The following PRKG2 variants were observed in gnomAD, a reference collection of about 807,000 sequenced individuals.
PRKG2 encodes the protein protein kinase cGMP-dependent 2.
A neutral mutation model predicts 97.2 loss-of-function variants in PRKG2; 33 were observed. The ratio of observed to expected loss-of-function variants is 0.34; its 90% CI spans 0.26 to 0.45. PRKG2 has a LOEUF of 0.45. PRKG2 is among the 20% of genes least tolerant of loss of function. The probability of loss-of-function intolerance (pLI) is 1.00; values close to 1 mark genes in which losing one functional copy is unlikely to be tolerated. For synonymous variants in PRKG2, 330 were observed against 321.8 expected (o/e 1.03, Z -0.27); for missense variants, 638 against 900.0 (o/e 0.71, Z 3.73).
intron 14 of PRKG2, among the ~76,000 whole-genome samples, chr4:81,115,608 T>C (rs1318412957): frequency 6.6e-6 from 1 of 152,216 alleles, no homozygotes; most frequent in African/African-American, 2.4e-5. Flanking sequence ...CAATTGGCTA[T>C]GTTCATTAAC....
intron 14 of PRKG2, among the ~76,000 whole-genome samples, chr4:81,134,896 T>C (rs1374309383): frequency 6.6e-6 from 1 of 152,126 alleles, no homozygotes; most frequent in Non-Finnish European, 1.5e-5. Context: ...ACAAAAATAC[T>C]GATAAAATCC....
intron 11 of PRKG2, among the ~76,000 whole-genome samples, chr4:81,142,297 G>A (rs1215172898): frequency 2.0e-5 from 3 of 152,004 alleles, no homozygotes; most frequent in Admixed American, 1.3e-4. Context: ...CTCACAATAC[G>A]AAATTTTGAG....
chr4:81,163,127 T>C (rs992512133), intron 6 of PRKG2, among the ~76,000 whole-genome samples: 7 of 152,166 alleles, frequency 4.6e-5, no homozygotes, highest in Non-Finnish European at 7.4e-5. Flanking sequence ...CCCAAAACCA[T>C]GGGAGGAAGA....
intron 14 of PRKG2, among the ~76,000 whole-genome samples, chr4:81,116,697 A>G (rs1395886595): frequency 6.6e-6 from 1 of 151,952 alleles, no homozygotes; most frequent in African/African-American, 2.4e-5. Flanking sequence ...TTGATTTTGT[A>G]ATGTTAGCCA....
At position 81,120,047 on chromosome 4, in the gene PRKG2, C is replaced by A. The variant is rs145320840; in HGVS notation, c.1777-9436G>T. 8.8e-3 allele frequency among the ~76,000 whole-genome samples: 1,340 copies of A among 152,194 alleles called. 12 individuals carry two copies. Among genetic ancestry groups the A allele is most frequent in the Non-Finnish European group, 0.014 (960 of 67,990 alleles). On this transcript the variant is annotated intron_variant, in intron 14 of 18. Transcript: ENST00000264399. ...GGACTCCATATTTCTATATTTGAGT[C>A]CTTGTGGATGAACTGCAACCTAACC... is the stretch of plus-strand genomic sequence containing the variant.
At chr4:81,120,514 T>C (rs1339128069) in intron 14 of PRKG2, among the ~76,000 whole-genome samples, 1 of 152,248 alleles carries the variant, frequency 6.6e-6, no homozygotes, top group South Asian at 2.1e-4. Flanking sequence ...ATCTTACATA[T>C]ATTTTGTTAT....
chr4:81,105,962 C>T, intron 15 of PRKG2, 27 bp from the exon 16 acceptor site: 1 of 1,604,418 alleles, frequency 6.2e-7, no homozygotes, highest in Non-Finnish European at 8.5e-7. Context: ...CAGAACAGGA[C>T]ACATTAATAA....
intron 3 of PRKG2, among the ~76,000 whole-genome samples, chr4:81,172,517 A>T (rs1034361744): frequency 3.3e-5 from 5 of 152,172 alleles, no homozygotes; most frequent in Non-Finnish European, 5.9e-5. Context: ...CACTAAGAAG[A>T]GTGTTTGGCA....
At chr4:81,143,609 T>C (rs544127540) in intron 10 of PRKG2, among the ~76,000 whole-genome samples, 10 of 152,296 alleles carry the variant, frequency 6.6e-5, no homozygotes, top group African/African-American at 2.4e-4. Flanking sequence ...CAAAAACATA[T>C]GAAGTACTGA....
At chr4:81,159,273 AC>A (rs1749398676) in intron 6 of PRKG2, among the ~76,000 whole-genome samples, 4 of 152,302 alleles carry the variant, frequency 2.6e-5, no homozygotes, top group African/African-American at 4.8e-5. Context: ...AGAAAAAAAA[AC>A]AACCCCATCA....
Position 81,135,020 on chromosome 4 carries a change from G to T in PRKG2, c.1776+135C>A, listed in dbSNP as rs530835487. The T allele has an allele frequency of 2.3e-4, 176 of 770,038 alleles. 1 individual carries two copies. The highest frequency in any genetic ancestry group is 1.8e-3 in the Admixed American group (57 of 32,414). The allele number at this position is 770,038 out of a possible 1,614,324, so 47.7% of individuals were successfully genotyped here. A position where few individuals can be genotyped will look rare whatever the true frequency, so the allele number is the denominator to read the frequency against. On this transcript the variant is annotated intron_variant, in intron 14 of 18. Transcript: ENST00000264399. ...CATAACATTGCTCCCAGTATTGTCG[G>T]GAAATGTCAAAGGCCATACTGCCAA...
chr4:81,093,839 G>A (rs1331596748), intron 17 of PRKG2, among the ~76,000 whole-genome samples: 1 of 152,124 alleles, frequency 6.6e-6, no homozygotes, highest in African/African-American at 2.4e-5. Flanking sequence ...CTCTTGAATA[G>A]AAACAATCTA....
intron 14 of PRKG2, among the ~76,000 whole-genome samples, chr4:81,127,081 T>C (rs906377721): frequency 1.3e-5 from 2 of 152,236 alleles, no homozygotes; most frequent in African/African-American, 4.8e-5. Flanking sequence ...GTTTTCTGCA[T>C]ATGACTAGCC....
At chr4:81,159,515 T>G (rs1030601919) in intron 6 of PRKG2, among the ~76,000 whole-genome samples, 1 of 152,106 alleles carries the variant, frequency 6.6e-6, no homozygotes, top group Non-Finnish European at 1.5e-5. Context: ...TTGGTGGGAC[T>G]GTAAACTAGT....
At chr4:81,189,720 C>T (rs1222874466) in intron 2 of PRKG2, among the ~76,000 whole-genome samples, 1 of 151,126 alleles carries the variant, frequency 6.6e-6, no homozygotes, top group Non-Finnish European at 1.5e-5. Context: ...ATGTAACTAA[C>T]CTGCACGTTG....
At chr4:81,188,026 T>C (rs1752046048) in intron 2 of PRKG2, among the ~76,000 whole-genome samples, 2 of 152,144 alleles carry the variant, frequency 1.3e-5, no homozygotes, top group African/African-American at 4.8e-5. Context: ...ATAAATGGGA[T>C]CTCATTAAAC....
intron 14 of PRKG2, among the ~76,000 whole-genome samples, chr4:81,121,503 T>G (rs1745066439): frequency 6.6e-6 from 1 of 152,228 alleles, no homozygotes; most frequent in Non-Finnish European, 1.5e-5. Flanking sequence ...TCAGATTGCC[T>G]ATTCCTCTTG....
intron 6 of PRKG2, chr4:81,164,881 C>G (rs896080576): frequency 2.6e-5 from 4 of 152,120 alleles, no homozygotes; most frequent in South Asian, 2.1e-4. Flanking sequence ...TATGATGAAT[C>G]ACAATGTTTG....
chr4:81,162,863 C>T (rs1171375559), intron 6 of PRKG2, among the ~76,000 whole-genome samples: 1 of 152,152 alleles, frequency 6.6e-6, no homozygotes, highest in Non-Finnish European at 1.5e-5. Context: ...TCAAGCTCTC[C>T]TGTTCCCATC....
Sources: gnomAD v4.1 joint callset for allele counts (sites outside exome capture counted in the v4.1 genomes callset) on GRCh38, gnomAD v4.1.1 for gene constraint, MANE v1.5 for transcripts, NCBI Gene and HGNC (gene_info 2026-07-23, HGNC 2026-07-21) for gene names.